MAGI2: variants seen among roughly 807,000 people sequenced by gnomAD.
MAGI2 encodes the protein membrane associated guanylate kinase, WW and PDZ domain containing 2, also known as membrane-associated guanylate kinase, WW and PDZ domain-containing protein 2.
In MAGI2, 35 loss-of-function variants were observed where a neutral mutation model predicts 133.3. The observed-to-expected ratio is 0.26, with a 90% confidence interval of 0.20 to 0.35. The LOEUF (loss-of-function observed/expected upper bound fraction) is 0.35, where lower values mean the gene tolerates loss of function less well. MAGI2 is among the 10% of genes least tolerant of loss of function. The pLI is 1.00. For synonymous variants in MAGI2, 729 were observed against 710.6 expected, an observed-to-expected ratio of 1.03 and a Z score of -0.41; for missense variants, 1,636 against 1,863.4, an observed-to-expected ratio of 0.88 and a Z score of 2.25.
Position 78,961,521 on chromosome 7 carries a change from A to C in MAGI2, c.418+45569T>G, listed in dbSNP as rs1158942624. 2.0e-5 allele frequency among the ~76,000 whole-genome samples: 3 copies of C among 152,134 alleles called. 1 individual carries two copies. Among genetic ancestry groups the C allele is most frequent in the Non-Finnish European group, 4.4e-5 (3 of 68,022 alleles). On this transcript the variant is annotated intron_variant, in intron 2 of 21. Transcript: ENST00000354212. ...GATATCTGGATTCTCCAGTGACAAAAAGAAAAATTTTAATTGTGTAACTAA... is the reference window on the plus strand; with the variant it reads ...GATATCTGGATTCTCCAGTGACAAACAGAAAAATTTTAATTGTGTAACTAA...
At chr7:78,024,432 C>A (rs963880068) in intron 21 of MAGI2, among the ~76,000 whole-genome samples, 2 of 152,330 alleles carry the variant, frequency 1.3e-5, no homozygotes, top group African/African-American at 4.8e-5. Flanking sequence ...AAATAGAAAT[C>A]TTTTCCCCCA....
At chr7:79,002,860 AGTGTGT>A (rs4021172) in intron 2 of MAGI2, among the ~76,000 whole-genome samples, 1,612 of 133,624 alleles carry the variant, frequency 0.012, 25 homozygotes, top group African/African-American at 0.031. Context: ...TTTATTGAAA[AGTGTGT>A]GTGTGTGTGT....
intron 6 of MAGI2, among the ~76,000 whole-genome samples, chr7:78,434,842 C>A (rs946289480): frequency 1.5e-4 from 23 of 152,054 alleles, no homozygotes; most frequent in African/African-American, 5.3e-4. Flanking sequence ...ATCTTTGAAG[C>A]AAAATGAAAA....
intron 2 of MAGI2, among the ~76,000 whole-genome samples, chr7:78,949,527 A>G (rs533039717): frequency 1.3e-5 from 2 of 152,350 alleles, no homozygotes; most frequent in Non-Finnish European, 2.9e-5. Flanking sequence ...GCTTGAAATC[A>G]GAGGCTAAAA....
chr7:79,325,733 C>T (rs185456215), intron 1 of MAGI2, among the ~76,000 whole-genome samples: 19 of 152,194 alleles, frequency 1.2e-4, no homozygotes, highest in African/African-American at 7.2e-5. Context: ...ATTTTGGAAC[C>T]GGTAGTTTAT....
At chr7:78,806,493 A>G (rs1039534235) in intron 2 of MAGI2, among the ~76,000 whole-genome samples, 5 of 152,174 alleles carry the variant, frequency 3.3e-5, no homozygotes, top group Non-Finnish European at 7.4e-5. Flanking sequence ...ACTTTTATCA[A>G]TGAGAGAATC....
At chr7:78,127,107 G>A (rs926125034) in intron 19 of MAGI2, 90 bp downstream of exon 19, 5 of 1,034,312 alleles carry the variant, frequency 4.8e-6, no homozygotes, top group Non-Finnish European at 7.1e-6. Context: ...ATCCCAGACA[G>A]GTACTCTTTC....
chr7:78,731,740 T>C (rs920303764), intron 2 of MAGI2, among the ~76,000 whole-genome samples: 1 of 152,140 alleles, frequency 6.6e-6, no homozygotes, highest in Non-Finnish European at 1.5e-5. Flanking sequence ...TGGGGGACCA[T>C]GACATACCTC....
chr7:78,860,303 C>T (rs1274870320), intron 2 of MAGI2, among the ~76,000 whole-genome samples: 2 of 152,180 alleles, frequency 1.3e-5, no homozygotes, highest in African/African-American at 4.8e-5. Flanking sequence ...AGCTGCATTC[C>T]TTTGGAGAAG....
chr7:78,976,708 A>T (rs985359508), intron 2 of MAGI2, among the ~76,000 whole-genome samples: 5 of 62,526 alleles, frequency 8.0e-5, no homozygotes, highest in Non-Finnish European at 1.5e-4. Flanking sequence ...ACACCAAAAA[A>T]ACTACAAAAA....
At chr7:78,959,782 T>G (rs567281673) in intron 2 of MAGI2, among the ~76,000 whole-genome samples, 4 of 152,184 alleles carry the variant, frequency 2.6e-5, no homozygotes, top group Admixed American at 6.5e-5. Flanking sequence ...TGTTTTAGTA[T>G]GCTGTATGAA....
rs536009393 is a variant in MAGI2 at position 79,065,046 on chromosome 7, T to C, written c.302-57840A>G. Reference sequence around the variant, plus strand: ...TTATTCACACTAGATTACCTTCCTATTTCTGTACTGTATTGTAGGAGTCAG... The same window carrying C: ...TTATTCACACTAGATTACCTTCCTACTTCTGTACTGTATTGTAGGAGTCAG... On this transcript the variant is annotated intron_variant, in intron 1 of 21. Transcript: ENST00000354212. Among the ~76,000 whole-genome samples, 4 of 152,186 alleles carry C rather than the reference T, an allele frequency of 2.6e-5. No homozygotes were observed. The South Asian group carries it at 8.3e-4, about 32-fold the overall frequency.
chr7:78,578,675 C>G (rs1029772263), intron 3 of MAGI2, among the ~76,000 whole-genome samples: 2 of 152,080 alleles, frequency 1.3e-5, no homozygotes, highest in Admixed American at 6.5e-5. Context: ...TTTGAAGATT[C>G]TAAATTGAAT....
rs781272975 is a variant in MAGI2 at position 78,167,957 on chromosome 7, C to G, written c.2555G>C (p.Gly852Ala). 2.5e-5 allele frequency: 40 copies of G among 1,614,006 alleles called. No homozygotes were observed. Among genetic ancestry groups the G allele is most frequent in the Non-Finnish European group, 3.1e-5 (37 of 1,180,020 alleles). ...TCTTCTCACAGTGAGGTTGACCTGC[C>G]CATTGCGGGCTGCGTGGTGCATGAG... ...IDLMHHAARN[G>A]QVNLTVRRKV... Residue 852 changes from glycine to alanine, a missense_variant, in exon 15 of 22, where the codon GGG becomes GCG. Gly to Ala is a moderately conservative substitution (Grantham distance 60). Transcript: ENST00000354212.
chr7:78,999,929 A>G (rs575037188), intron 2 of MAGI2, among the ~76,000 whole-genome samples: 1 of 152,338 alleles, frequency 6.6e-6, no homozygotes, highest in East Asian at 1.9e-4. Flanking sequence ...TGGCAGCTTC[A>G]TTCTGAAGTA....
At chr7:78,304,021 C>T (rs1416552885) in intron 9 of MAGI2, among the ~76,000 whole-genome samples, 1 of 152,208 alleles carries the variant, frequency 6.6e-6, no homozygotes. Context: ...TGTCATTATA[C>T]AGTTGTTCTG....
At chr7:78,973,137 A>G (rs1803934261) in intron 2 of MAGI2, among the ~76,000 whole-genome samples, 1 of 151,936 alleles carries the variant, frequency 6.6e-6, no homozygotes, top group African/African-American at 2.4e-5. Context: ...CCAGGATACA[A>G]TTATGCTCTG....
At chr7:78,288,088 T>C (rs1432832277) in intron 9 of MAGI2, among the ~76,000 whole-genome samples, 1 of 152,152 alleles carries the variant, frequency 6.6e-6, no homozygotes, top group Non-Finnish European at 1.5e-5. Flanking sequence ...ATTTTCAATG[T>C]GAGTATATTA....
chr7:78,153,311 C>T (rs1436968115), intron 16 of MAGI2, among the ~76,000 whole-genome samples: 1 of 152,192 alleles, frequency 6.6e-6, no homozygotes, highest in Non-Finnish European at 1.5e-5. Flanking sequence ...CATGATGCCA[C>T]TGAAAGGGGC....
Sources: gnomAD v4.1 joint callset for allele counts (sites outside exome capture counted in the v4.1 genomes callset) on GRCh38, gnomAD v4.1.1 for gene constraint, MANE v1.5 for transcripts, NCBI Gene and HGNC (gene_info 2026-07-23, HGNC 2026-07-21) for gene names.